The following NAXD variants were observed in gnomAD, a reference collection of about 807,000 sequenced individuals.
The protein encoded by NAXD is ATP-dependent (S)-NAD(P)H-hydrate dehydratase.
A neutral mutation model predicts 35.8 loss-of-function variants in NAXD; 22 were observed. The ratio of observed to expected loss-of-function variants is 0.62; its 90% CI spans 0.44 to 0.88. The LOEUF is 0.88. Among genes scored for constraint, NAXD ranks in the 40% least tolerant of loss-of-function variants. The pLI is 0.00. For synonymous variants in NAXD, 189 were observed against 177.6 expected (o/e 1.06, Z -0.51); for missense variants, 428 against 437.7 (o/e 0.98, Z 0.20).
chr13:110,633,698 T>G lies in NAXD; in HGVS notation c.442-847T>G, dbSNP rs1886808739. Among the ~76,000 whole-genome samples, 3 of 152,116 alleles carry G rather than the reference T, an allele frequency of 2.0e-5. No individual in the cohort carries two copies. The South Asian group carries it at 6.2e-4, about 31-fold the overall frequency. Reference sequence around the variant, plus strand: ...AGTGTATAATCTTGTCACAATGTATTGGCTCATAATAATAAAAACCACCAA... The same window carrying G: ...AGTGTATAATCTTGTCACAATGTATGGGCTCATAATAATAAAAACCACCAA... On this transcript the variant is annotated intron_variant, in intron 5 of 9. Transcript: ENST00000680254.
chr13:110,633,020 C>T (rs137956467), intron 5 of NAXD, among the ~76,000 whole-genome samples: 3,792 of 152,274 alleles, frequency 0.025, 164 homozygotes, highest in African/African-American at 0.087. Flanking sequence ...AGTCCTGCGC[C>T]GTGCGTTCGC....
chr13:110,635,612 C>T lies in NAXD; in HGVS notation c.718+24C>T, dbSNP rs375324230. Reference sequence around the variant, plus strand: ...GGGTGAGTGGCGGCTGCCCTCTGTGCATGGGCCAGTGCCAGGTCAGTCAGC... The same window carrying T: ...GGGTGAGTGGCGGCTGCCCTCTGTGTATGGGCCAGTGCCAGGTCAGTCAGC... On this transcript the variant is annotated intron_variant, in intron 8 of 9. Coordinates refer to ENST00000680254, the MANE Select transcript of NAXD (RefSeq NM_001242882.2). 6.2e-6 allele frequency: 10 copies of T among 1,611,876 alleles called. No individual in the cohort carries two copies. The African/African-American group carries it at 1.2e-4, about 19-fold the overall frequency.
At chr13:110,637,087 C>A in intron 8 of NAXD, 42 bp from the exon 9 acceptor site, 1 of 1,576,512 alleles carries the variant, frequency 6.3e-7, no homozygotes. Flanking sequence ...CATTCACACA[C>A]ATGGCCATGC....
intron 5 of NAXD, among the ~76,000 whole-genome samples, chr13:110,630,262 T>C (rs4771701): frequency 0.15 from 22,491 of 151,996 alleles, 1,964 homozygotes; most frequent in Admixed American, 0.26. Context: ...CTCCTGACCT[T>C]AGGTATCCGC....
intron 5 of NAXD, among the ~76,000 whole-genome samples, chr13:110,631,594 A>G (rs180890912): frequency 6.6e-5 from 10 of 152,356 alleles, no homozygotes; most frequent in Non-Finnish European, 1.2e-4. Flanking sequence ...ATTTGCAAAT[A>G]CATTAAAAGA....
chr13:110,635,575 C>G lies in NAXD; in HGVS notation c.705C>G (p.Ser235=), dbSNP rs750379005. 25 of 1,614,072 alleles carry G rather than the reference C, an allele frequency of 1.5e-5. No homozygotes were observed. Among genetic ancestry groups the G allele is most frequent in the Middle Eastern group, 1.7e-4 (1 of 6,060 alleles). The change falls in exon 8 of 10, where the codon TCC becomes TCG. Residue 235 remains serine (S), a synonymous_variant. Transcript: ENST00000680254. ...AGAAAGGAGAGCGCGACATCCTCTC[C>G]AACGGCCAGCAGGGTGAGTGGCGGC... The part of the protein sequence containing the change: ...VVQKGERDIL[S]NGQQVLVCSQ...
At chr13:110,619,740 C>A (rs1236282620) in intron 1 of NAXD, among the ~76,000 whole-genome samples, 1 of 152,084 alleles carries the variant, frequency 6.6e-6, no homozygotes, top group Non-Finnish European at 1.5e-5. Context: ...TGCTGCTCAG[C>A]ATCCTTCAGT....
chr13:110,624,185 T>C, intron 2 of NAXD, 49 bp from the exon 3 acceptor site: 1 of 1,082,764 alleles, frequency 9.2e-7, no homozygotes, highest in Non-Finnish European at 1.4e-6. Flanking sequence ...GATCAAGGTA[T>C]GCTTACCTTA....
intron 4 of NAXD, among the ~76,000 whole-genome samples, chr13:110,627,152 T>A (rs964329243): frequency 1.3e-4 from 20 of 152,022 alleles, no homozygotes; most frequent in African/African-American, 4.6e-4. Flanking sequence ...CAAGAGGAAA[T>A]GGGAAATTTG....
intron 1 of NAXD, among the ~76,000 whole-genome samples, chr13:110,617,886 G>C (rs1886120119): frequency 6.6e-6 from 1 of 152,194 alleles, no homozygotes; most frequent in African/African-American, 2.4e-5. Context: ...CATCGAACAT[G>C]TATCAAGTGT....
At chr13:110,620,450 T>C (rs748574608) in intron 1 of NAXD, among the ~76,000 whole-genome samples, 3 of 151,480 alleles carry the variant, frequency 2.0e-5, no homozygotes, top group Non-Finnish European at 2.9e-5. Context: ...CGTGGTGGCA[T>C]GCGCCTGTAG....
chr13:110,625,520 TCCAGAGG>T (rs1886437559), intron 4 of NAXD, among the ~76,000 whole-genome samples: 6 of 152,298 alleles, frequency 3.9e-5, no homozygotes, highest in Admixed American at 3.3e-4. Flanking sequence ...GGGGCCCAGC[TCCAGAGG>T]CAGGGAGGCC....
intron 1 of NAXD, chr13:110,616,106 C>T (rs1886042393): frequency 3.2e-6 from 1 of 313,580 alleles, no homozygotes; most frequent in Non-Finnish European, 5.8e-6. Context: ...GATCCGTCTG[C>T]TCTGCTCTGT....
chr13:110,626,315 A>C (rs1030940709), intron 4 of NAXD, among the ~76,000 whole-genome samples: 2 of 152,080 alleles, frequency 1.3e-5, no homozygotes, highest in Non-Finnish European at 2.9e-5. Context: ...TTGGATTGGA[A>C]AAGGCAAGGG....
intron 1 of NAXD, among the ~76,000 whole-genome samples, chr13:110,618,812 C>G (rs532469442): frequency 3.3e-5 from 5 of 152,368 alleles, no homozygotes; most frequent in Admixed American, 3.3e-4. Flanking sequence ...CCTGGACTAG[C>G]ATATCTCCTC....
At chr13:110,618,522 A>G (rs1348606709) in intron 1 of NAXD, among the ~76,000 whole-genome samples, 7 of 152,330 alleles carry the variant, frequency 4.6e-5, no homozygotes, top group African/African-American at 7.2e-5. Context: ...GCTATGATAA[A>G]GATTGCCGTG....
At chr13:110,620,241 G>T (rs1886207620) in intron 1 of NAXD, among the ~76,000 whole-genome samples, 1 of 151,844 alleles carries the variant, frequency 6.6e-6, no homozygotes, top group Non-Finnish European at 1.5e-5. Flanking sequence ...ACAGTTTATA[G>T]TGATTCTGTG....
At chr13:110,615,835 CCG>C (rs1295204235) in intron 1 of NAXD, 188 bp downstream of exon 1, 1 of 1,246,852 alleles carries the variant, frequency 8.0e-7, no homozygotes, top group Non-Finnish European at 1.0e-6. Context: ...GAGGGGCAGC[CCG>C]CGCGCGGGGC....
At chr13:110,615,810 G>A (rs544014512) in intron 1 of NAXD, 163 bp downstream of exon 1, 4 of 1,297,364 alleles carry the variant, frequency 3.1e-6, no homozygotes, top group Non-Finnish European at 3.9e-6. Context: ...TGGCTCGCGG[G>A]GGGGAAGCGC....
Sources: gnomAD v4.1 joint callset for allele counts (sites outside exome capture counted in the v4.1 genomes callset) on GRCh38, gnomAD v4.1.1 for gene constraint, MANE v1.5 for transcripts, NCBI Gene and HGNC (gene_info 2026-07-23, HGNC 2026-07-21) for gene names.